Variants in SEMA4D observed in about 807,000 individuals in gnomAD.
The protein encoded by SEMA4D is semaphorin 4D.
Under a neutral mutation model 74.8 loss-of-function variants are expected in SEMA4D, and 22 were observed. The observed-to-expected ratio is 0.29, with a 90% CI of 0.21 to 0.42. The LOEUF is 0.42. Ranked by LOEUF, SEMA4D falls within the 10% of genes least tolerant of loss-of-function variation. The pLI, the probability that SEMA4D is intolerant of heterozygous loss-of-function variation, is 1.00. For synonymous variants in SEMA4D, 445 were observed against 463.7 expected (o/e 0.96, Z 0.52); for missense variants, 937 against 1,118.4 (o/e 0.84, Z 2.31).
intron 2 of SEMA4D, among the ~76,000 whole-genome samples, chr9:89,436,803 C>G (rs1409984545): frequency 6.6e-6 from 1 of 152,234 alleles, no homozygotes; most frequent in African/African-American, 2.4e-5. Context: ...CAGCAGGTCG[C>G]CTGGCGAGGG....
intron 6 of SEMA4D, among the ~76,000 whole-genome samples, chr9:89,394,175 G>A (rs980827559): frequency 6.6e-6 from 1 of 152,140 alleles, no homozygotes; most frequent in African/African-American, 2.4e-5. Context: ...AAACAGAACC[G>A]CACTGTACTA....
intron 1 of SEMA4D, among the ~76,000 whole-genome samples, chr9:89,479,082 A>G (rs1862516603): frequency 1.3e-5 from 2 of 152,232 alleles, no homozygotes; most frequent in East Asian, 1.9e-4. Context: ...TGCCCACTGG[A>G]GCTCCCATGG....
chr9:89,380,287 A>C (rs1836730130), intron 15 of SEMA4D, among the ~76,000 whole-genome samples: 1 of 151,360 alleles, frequency 6.6e-6, no homozygotes, highest in Non-Finnish European at 1.5e-5. Flanking sequence ...CTTGCCTCAG[A>C]CTCCCAAAAT....
intron 1 of SEMA4D, among the ~76,000 whole-genome samples, chr9:89,465,984 C>A (rs1858587627): frequency 6.6e-6 from 1 of 152,166 alleles, no homozygotes. Flanking sequence ...GTGACTCCTG[C>A]ATTTCTTGGA....
At chr9:89,369,613 T>TA (rs1588091252) in intron 16 of SEMA4D, 1 of 152,266 alleles carries the variant, frequency 6.6e-6, no homozygotes, top group Admixed American at 6.5e-5. Context: ...TATTGATCCT[T>TA]ACGTTTGTAT....
Position 89,392,604 on chromosome 9 carries a change from C to G in SEMA4D, c.509-68G>C, listed in dbSNP as rs367972146. 133 of 942,678 alleles carry G rather than the reference C, an allele frequency of 1.4e-4. No homozygotes were observed. In the African/African-American group the frequency reaches 2.0e-3, roughly 14 times the overall value. The allele number at this position is 942,678 out of a possible 1,614,324, so 58.4% of individuals were successfully genotyped here. A position where few individuals can be genotyped will look rare whatever the true frequency, so the allele number is the denominator to read the frequency against. ...TCAGGCTATGGCACCAACACTGGGA[C>G]AAACATTCAACACGGTGTTTTCCTT... On this transcript the variant is annotated intron_variant, in intron 7 of 15. Coordinates refer to ENST00000422704, the MANE Select transcript of SEMA4D (RefSeq NM_001371194.2).
intron 2 of SEMA4D, among the ~76,000 whole-genome samples, chr9:89,448,791 TG>T (rs1853603173): frequency 6.6e-6 from 1 of 152,120 alleles, no homozygotes; most frequent in African/African-American, 2.4e-5. Flanking sequence ...CGGCCAGATG[TG>T]GAAGTGCCTG....
chr9:89,401,230 C>T (rs917081489), intron 4 of SEMA4D, among the ~76,000 whole-genome samples: 2 of 150,814 alleles, frequency 1.3e-5, no homozygotes, highest in African/African-American at 4.9e-5. Context: ...CTATTTTTTG[C>T]AGTTTTTGTA....
chr9:89,459,350 G>C (rs528895401), intron 1 of SEMA4D, among the ~76,000 whole-genome samples: 1 of 152,308 alleles, frequency 6.6e-6, no homozygotes, highest in East Asian at 1.9e-4. Context: ...AGGGAGTCAG[G>C]GTTTGGATGT....
rs932958398 is a variant in SEMA4D, at chr9:89,492,435, A to G, written c.-310+5484T>C. ...AACTCCCTTTCAAAATGTCATCTCT[A>G]TAGCTACAATATATTGCCAAGATTA... On this transcript the variant is annotated intron_variant, in intron 1 of 15. Transcript: ENST00000422704. The surrounding 1 kb of genome is among the most constrained non-coding windows in gnomAD (Gnocchi z 4.3). Among the ~76,000 whole-genome samples, 1 of 151,954 alleles carries G rather than the reference A, an allele frequency of 6.6e-6. No homozygotes were observed. Among genetic ancestry groups the G allele is most frequent in the Non-Finnish European group, 1.5e-5 (1 of 67,982 alleles).
intron 16 of SEMA4D, among the ~76,000 whole-genome samples, chr9:89,370,586 CTG>C (rs1261452908): frequency 1.4e-5 from 2 of 142,482 alleles, no homozygotes; most frequent in African/African-American, 5.3e-5. Context: ...GCTGTGTGGT[CTG>C]TGTAGTGTGT....
chr9:89,402,025 G>T (rs1360419194), intron 4 of SEMA4D, among the ~76,000 whole-genome samples: 1 of 152,094 alleles, frequency 6.6e-6, no homozygotes, highest in Non-Finnish European at 1.5e-5. Flanking sequence ...CCCAGCTGGG[G>T]ATGTGAAGAC....
chr9:89,490,521 A>G (rs1363455233), intron 1 of SEMA4D, among the ~76,000 whole-genome samples: 1 of 152,128 alleles, frequency 6.6e-6, no homozygotes, highest in Admixed American at 6.5e-5. Context: ...TCAATAAATT[A>G]TATTCAACAC....
At chr9:89,380,183 C>A (rs1019763192) in intron 15 of SEMA4D, among the ~76,000 whole-genome samples, 5 of 152,126 alleles carry the variant, frequency 3.3e-5, no homozygotes, top group Admixed American at 6.5e-5. Flanking sequence ...CAGGTGACCA[C>A]CTCCAGGCCT....
chr9:89,438,964 CTTTTTTTTTTTTTTTTTTTT>C lies in SEMA4D; in HGVS notation c.-244+16904_-244+16923del, dbSNP rs57394947. On this transcript the variant is annotated intron_variant, in intron 2 of 15. Coordinates refer to ENST00000422704, the MANE Select transcript of SEMA4D (RefSeq NM_001371194.2). The stretch of plus-strand genomic sequence containing the variant: ...ATAGGTGTGAGCCACCGCACCGGGC[CTTTTTTTTTTTTTTTTTTTT>C]TTTTTTTTTTTTTTTAACATGGAGT... Among the ~76,000 whole-genome samples the C allele has an allele frequency of 6.2e-3, 237 of 38,232 alleles. 5 individuals are homozygous for C. Among genetic ancestry groups the C allele is most frequent in the Non-Finnish European group, 9.5e-3 (217 of 22,918 alleles). The allele number at this position is 38,232 out of a possible 152,430, so 25.1% of individuals were successfully genotyped here.
At chr9:89,485,788 C>CAAAAAAAAAA (rs56056536) in intron 1 of SEMA4D, among the ~76,000 whole-genome samples, 2 of 76,840 alleles carry the variant, frequency 2.6e-5, no homozygotes, top group African/African-American at 4.9e-5. Context: ...AACTCCATCT[C>CAAAAAAAAAA]AAAAAAAAAA....
chr9:89,451,178 GCT>G (rs764170751), intron 2 of SEMA4D, among the ~76,000 whole-genome samples: 3 of 152,042 alleles, frequency 2.0e-5, no homozygotes, highest in African/African-American at 4.8e-5. Context: ...CTATTTGGGG[GCT>G]TTTTCTTCTT....
intron 2 of SEMA4D, among the ~76,000 whole-genome samples, chr9:89,430,367 C>T (rs916005819): frequency 1.3e-5 from 2 of 152,176 alleles, no homozygotes; most frequent in Non-Finnish European, 2.9e-5. Flanking sequence ...TAGATGCCCT[C>T]CAAGCTTCAG....
At chr9:89,481,214 C>T (rs1824634107) in intron 1 of SEMA4D, among the ~76,000 whole-genome samples, 1 of 152,188 alleles carries the variant, frequency 6.6e-6, no homozygotes, top group Non-Finnish European at 1.5e-5. Context: ...GCCCACCTGG[C>T]CTTGGTGAGC....
Sources: allele counts gnomAD v4.1 joint callset (sites outside exome capture counted in the v4.1 genomes callset), GRCh38; gene constraint gnomAD v4.1.1; non-coding constraint Gnocchi (gnomAD v3.1); transcripts MANE v1.5; gene names NCBI Gene and HGNC (gene_info 2026-07-23, HGNC 2026-07-21).